Variants in POGLUT1 observed in about 807,000 individuals in gnomAD.
POGLUT1 encodes protein O-glucosyltransferase 1.
Under a neutral mutation model 61.3 loss-of-function variants are expected in POGLUT1, and 32 were observed. That is an observed-to-expected ratio of 0.52 (90% confidence interval 0.39 to 0.70). POGLUT1 has a LOEUF of 0.70. POGLUT1 is among the 30% of genes least tolerant of loss of function. The probability of loss-of-function intolerance (pLI) is 0.00; values close to 1 mark genes in which losing one functional copy is unlikely to be tolerated. For missense variants in POGLUT1, 411 were observed against 469.8 expected (o/e 0.87, Z 1.16); for synonymous variants, 158 against 158.2 (o/e 1.00, Z 0.01).
At chr3:119,478,476 T>G (rs2081567342) in intron 4 of POGLUT1, 2 of 455,706 alleles carry the variant, frequency 4.4e-6, no homozygotes, top group South Asian at 3.1e-5. Flanking sequence ...GGCTCCCATG[T>G]AAGTCAGTAG....
Position 119,493,943 on chromosome 3 carries a change from A to AG in POGLUT1, c.*1507dup, listed in dbSNP as rs1383450997. 1.3e-5 allele frequency: 2 copies of AG among 151,558 alleles called. No homozygotes were observed. The highest frequency in any genetic ancestry group is 4.9e-5 in the African/African-American group (2 of 41,166). 9.4% of individuals were successfully genotyped at this position (151,558 alleles called of 1,614,324 possible). A position where few individuals can be genotyped will look rare whatever the true frequency, so the allele number is the denominator to read the frequency against. On this transcript the variant is annotated 3_prime_UTR_variant, in exon 11 of 11. Transcript: ENST00000295588. ...TGCCTTGTCACTGTGAGGCCCTACT[A>AG]GGTGTAAGCATTCTCTCTGAATTTT...
In POGLUT1 at chr3:119,477,387, G is replaced by C; in HGVS notation, c.395G>C (p.Arg132Pro). 1 of 1,614,128 alleles carries C rather than the reference G, an allele frequency of 6.2e-7. No individual in the cohort carries two copies. The highest frequency in any genetic ancestry group is 8.5e-7 in the Non-Finnish European group (1 of 1,179,960). The change falls in exon 4 of 11, where the codon CGA becomes CCA. Residue 132 changes from arginine to proline, a missense_variant. Transcript: ENST00000295588. ...GACATGGAGATGGTGATCAATGTACGAGATTATCCTCAGGTTCCTAAATGG... is the reference window on the plus strand; with the variant it reads ...GACATGGAGATGGTGATCAATGTACCAGATTATCCTCAGGTTCCTAAATGG... Reference protein sequence around the residue: ...LPDMEMVINVRDYPQVPKWME... With the variant: ...LPDMEMVINVPDYPQVPKWME...
At chr3:119,489,244 T>A in intron 8 of POGLUT1, 1 of 297,684 alleles carries the variant, frequency 3.4e-6, no homozygotes, top group Non-Finnish European at 6.2e-6. Flanking sequence ...TACCTCTCCA[T>A]ATGCCCCACC....
Position 119,469,916 on chromosome 3 carries a change from T to G in POGLUT1, c.176+6T>G. 6.5e-7 allele frequency: 1 copy of G among 1,529,678 alleles called. No individual in the cohort carries two copies. The highest frequency in any genetic ancestry group is 1.1e-5 in the South Asian group (1 of 89,248). 94.8% of individuals were successfully genotyped at this position (1,529,678 alleles called of 1,614,324 possible). On this transcript the variant is annotated splice_donor_region_variant and intron_variant, in intron 2 of 10. Coordinates refer to ENST00000295588, the MANE Select transcript of POGLUT1 (RefSeq NM_152305.3). ...AACTGCAGCTGCTACCATGGGTGAG[T>G]TCTTTTCTTTGATGTGTCTTTGAGA...
chr3:119,477,349 C>T lies in POGLUT1; in HGVS notation c.357C>T (p.Ile119=), dbSNP rs746947147. Residue 119 remains isoleucine (I), a synonymous_variant, in exon 4 of 11, where the codon ATC becomes ATT. Transcript: ENST00000295588. ...SGVEHFILEV[I]GRLPDMEMVI... is the part of the protein sequence containing the mutation. Reference sequence around the variant, plus strand: ...TTGAGCACTTTATTTTGGAAGTGATCGGGCGTCTCCCTGACATGGAGATGG... The same window carrying T: ...TTGAGCACTTTATTTTGGAAGTGATTGGGCGTCTCCCTGACATGGAGATGG... 3.7e-6 allele frequency: 6 copies of T among 1,613,740 alleles called. No individual in the cohort carries two copies. Among genetic ancestry groups the T allele is most frequent in the East Asian group, 2.2e-5 (1 of 44,890 alleles).
chr3:119,491,558 C>G lies in POGLUT1; in HGVS notation c.1006C>G (p.Gln336Glu). 2 of 1,561,788 alleles carry G rather than the reference C, an allele frequency of 1.3e-6. No individual in the cohort carries two copies. The highest frequency in any genetic ancestry group is 8.7e-7 in the Non-Finnish European group (1 of 1,143,604). ...TGTAAAAGCAAATGATGATGTAGCT[C>G]AAGAGATTGCTGAAAGGTGAGTTCT... is the stretch of plus-strand genomic sequence containing the variant. Reference protein sequence around the residue: ...QFVKANDDVAQEIAERGSQFI... With the variant: ...QFVKANDDVAEEIAERGSQFI... Residue 336 changes from glutamine (Q) to glutamate (E), a missense_variant, in exon 10 of 11, where the codon CAA (glutamine) becomes GAA (glutamate). Gln to Glu is a conservative substitution (Grantham distance 29). Transcript: ENST00000295588.
At chr3:119,486,547 T>A (rs762046621) in intron 6 of POGLUT1, among the ~76,000 whole-genome samples, 6 of 152,098 alleles carry the variant, frequency 3.9e-5, no homozygotes, top group Non-Finnish European at 5.9e-5. Flanking sequence ...GGGAAATCAT[T>A]CCCTGGGATT....
chr3:119,486,782 C>T, intron 6 of POGLUT1, 51 bp from the exon 7 acceptor site: 1 of 1,243,346 alleles, frequency 8.0e-7, no homozygotes, highest in Non-Finnish European at 1.2e-6. Context: ...GGATTGGGAA[C>T]AGTTTTCTAA....
At chr3:119,485,244 G>C (rs2081651749) in intron 5 of POGLUT1, 84 bp from the exon 6 acceptor site, 1 of 859,078 alleles carries the variant, frequency 1.2e-6, no homozygotes, top group Admixed American at 2.2e-5. Context: ...ATGAAGCTCT[G>C]AACTAATCTT....
At chr3:119,488,501 T>A (rs534162575) in intron 7 of POGLUT1, 2,226 of 150,062 alleles carry the variant, frequency 0.015, 59 homozygotes, top group African/African-American at 0.052. Context: ...TGATTTGATT[T>A]AAAAAAAAAA....
intron 6 of POGLUT1, among the ~76,000 whole-genome samples, chr3:119,485,934 GA>G (rs2081659195): frequency 6.6e-6 from 1 of 152,216 alleles, no homozygotes; most frequent in African/African-American, 2.4e-5. Context: ...CCAAGGCCAA[GA>G]ACAGTTCCTA....
At chr3:119,488,570 G>C (rs950264021) in intron 7 of POGLUT1, 1 of 163,040 alleles carries the variant, frequency 6.1e-6, no homozygotes, top group Non-Finnish European at 1.3e-5. Flanking sequence ...AAGGCCATCA[G>C]CCAGCACTTG....
At chr3:119,474,833 C>T in intron 3 of POGLUT1, among the ~76,000 whole-genome samples, 1 of 151,962 alleles carries the variant, frequency 6.6e-6, no homozygotes, top group Non-Finnish European at 1.5e-5. Context: ...GAAAGAAACT[C>T]CATCTCAAAA....
chr3:119,486,948 C>G lies in POGLUT1; in HGVS notation c.738+16C>G. On this transcript the variant is annotated intron_variant, in intron 7 of 10. Coordinates refer to ENST00000295588, the MANE Select transcript of POGLUT1 (RefSeq NM_152305.3). The stretch of plus-strand genomic sequence containing the variant: ...ATCTATGAAAGTAATCACCAGTCAT[C>G]TGACTAGAACTACAGCAGTGAACAT... 6.9e-7 allele frequency: 1 copy of G among 1,448,146 alleles called. No homozygotes were observed. The highest frequency in any genetic ancestry group is 9.7e-7 in the Non-Finnish European group (1 of 1,028,564). The allele number at this position is 1,448,146 out of a possible 1,614,324, so 89.7% of individuals were successfully genotyped here.
intron 10 of POGLUT1, among the ~76,000 whole-genome samples, 198 bp downstream of exon 10, chr3:119,491,772 G>A (rs1464158378): frequency 1.3e-5 from 2 of 152,162 alleles, no homozygotes; most frequent in Admixed American, 6.5e-5. Context: ...GGAAAAAGAT[G>A]GGCCGGGCGT....
chr3:119,493,260 A>G lies in POGLUT1; in HGVS notation c.*822A>G, dbSNP rs1345961081. Reference sequence around the variant, plus strand: ...AATATTTTTCCTTCTTAAATTGGCCACAGCAGGGGTCATTCACACTCTCAC... The same window carrying G: ...AATATTTTTCCTTCTTAAATTGGCCGCAGCAGGGGTCATTCACACTCTCAC... On this transcript the variant is annotated 3_prime_UTR_variant, in exon 11 of 11. Coordinates refer to ENST00000295588, the MANE Select transcript of POGLUT1 (RefSeq NM_152305.3). The G allele has an allele frequency of 6.6e-6, 1 of 152,268 alleles. No individual in the cohort carries two copies. Among genetic ancestry groups the G allele is most frequent in the Non-Finnish European group, 1.5e-5 (1 of 68,010 alleles). 9.4% of individuals were successfully genotyped at this position (152,268 alleles called of 1,614,324 possible). A position where few individuals can be genotyped will look rare whatever the true frequency, so the allele number is the denominator to read the frequency against.
At position 119,491,584 on chromosome 3, in the gene POGLUT1, G is replaced by A; in HGVS notation, c.1022+10G>A. The A allele has an allele frequency of 4.7e-6, 7 of 1,503,028 alleles. No individual in the cohort carries two copies. The South Asian group carries it at 8.4e-5, about 18-fold the overall frequency. 93.1% of individuals were successfully genotyped at this position (1,503,028 alleles called of 1,614,324 possible). ...AAGAGATTGCTGAAAGGTGAGTTCTGTTCATTTTCCCTTTTCCACTTTACT... is the reference window on the plus strand; with the variant it reads ...AAGAGATTGCTGAAAGGTGAGTTCTATTCATTTTCCCTTTTCCACTTTACT... On this transcript the variant is annotated intron_variant, in intron 10 of 10. Transcript: ENST00000295588.
intron 4 of POGLUT1, among the ~76,000 whole-genome samples, chr3:119,478,923 T>C (rs1470670766): frequency 6.7e-6 from 1 of 149,994 alleles, no homozygotes; most frequent in Non-Finnish European, 1.5e-5. Context: ...CATATGGCTT[T>C]AAACTTTTTT....
Position 119,490,599 on chromosome 3 carries a change from CCT to C in POGLUT1, c.849_850del (p.Phe284ProfsTer11). The C allele has an allele frequency of 6.2e-7, 1 of 1,614,124 alleles. No homozygotes were observed. The highest frequency in any genetic ancestry group is 1.1e-5 in the South Asian group (1 of 91,078). Reference protein sequence around the residue: ...GVAASFRFKHLFLCGSLVFHV... With the variant: ...GVAASFRFKHXFLCGSLVFHV... The stretch of plus-strand genomic sequence containing the variant: ...TAGCTGCAAGTTTCCGGTTTAAACA[CCT>C]CTTCCTGTGTGGCTCACTTGTTTTC... On this transcript the variant is annotated frameshift_variant, in exon 9 of 11. Coordinates refer to ENST00000295588, the MANE Select transcript of POGLUT1 (RefSeq NM_152305.3). LOFTEE classifies it high-confidence loss of function.
Sources: gnomAD v4.1 joint callset for allele counts (sites outside exome capture counted in the v4.1 genomes callset) on GRCh38, gnomAD v4.1.1 for gene constraint, MANE v1.5 for transcripts, NCBI Gene and HGNC (gene_info 2026-07-23, HGNC 2026-07-21) for gene names.